The following KYAT1 variants were observed in gnomAD, a reference collection of about 807,000 sequenced individuals.
KYAT1 encodes kynurenine--oxoglutarate transaminase 1.
In KYAT1, 47 loss-of-function variants were observed where a neutral mutation model predicts 52.4. The ratio of observed to expected loss-of-function variants is 0.90; its 90% CI spans 0.71 to 1.14. The LOEUF is 1.14. KYAT1 is among the 50% of genes most tolerant of loss of function. KYAT1 has a pLI of 0.00. For missense variants in KYAT1, 480 were observed against 557.9 expected (o/e 0.86, Z 1.41); for synonymous variants, 212 against 209.6 (o/e 1.01, Z -0.10).
intron 1 of KYAT1, among the ~76,000 whole-genome samples, chr9:128,857,873 T>C (rs1834882019): frequency 6.6e-6 from 1 of 151,822 alleles, no homozygotes; most frequent in Non-Finnish European, 1.5e-5. Context: ...ACTAAATGTA[T>C]GAACTAAAAC....
In KYAT1 at chr9:128,833,371, G is replaced by T; in HGVS notation, c.*213C>A. On this transcript the variant is annotated 3_prime_UTR_variant, in exon 13 of 13. Transcript: ENST00000302586. ...TATGGAGGGGCAGGGAGAGGCCCAG[G>T]TCAGGCCACCCTCACCTTTCAGACA... The T allele has an allele frequency of 3.2e-6, 2 of 620,860 alleles. No homozygotes were observed. The highest frequency in any genetic ancestry group is 5.7e-6 in the Non-Finnish European group (2 of 350,650). The allele number at this position is 620,860 out of a possible 1,614,324, so 38.5% of individuals were successfully genotyped here.
chr9:128,865,161 G>T (rs1794634934), intron 1 of KYAT1, among the ~76,000 whole-genome samples: 1 of 145,118 alleles, frequency 6.9e-6, no homozygotes, highest in Non-Finnish European at 1.5e-5. Context: ...GGAGGTTGGG[G>T]CTGAAGTGAG....
intron 1 of KYAT1, among the ~76,000 whole-genome samples, chr9:128,880,598 C>T (rs1838689953): frequency 6.6e-6 from 1 of 152,044 alleles, no homozygotes; most frequent in Non-Finnish European, 1.5e-5. Flanking sequence ...CTCGCCACCA[C>T]ACCCGGCTAA....
At chr9:128,844,911 A>T (rs1456835767) in intron 2 of KYAT1, among the ~76,000 whole-genome samples, 1 of 151,892 alleles carries the variant, frequency 6.6e-6, no homozygotes, top group East Asian at 1.9e-4. Context: ...AACAATATCA[A>T]CCTCTGCAAA....
intron 1 of KYAT1, among the ~76,000 whole-genome samples, chr9:128,879,823 A>C (rs1296791811): frequency 6.6e-6 from 1 of 152,174 alleles, no homozygotes; most frequent in Non-Finnish European, 1.5e-5. Flanking sequence ...CAAAGTACTC[A>C]GCACGGGGGC....
intron 1 of KYAT1, among the ~76,000 whole-genome samples, chr9:128,874,361 G>A (rs1837659074): frequency 1.3e-5 from 2 of 151,622 alleles, no homozygotes; most frequent in Non-Finnish European, 2.9e-5. Flanking sequence ...GCCAAGGCTG[G>A]AGTGCAGTGG....
At chr9:128,873,908 T>C (rs1049516696) in intron 1 of KYAT1, among the ~76,000 whole-genome samples, 3 of 146,586 alleles carry the variant, frequency 2.0e-5, no homozygotes, top group African/African-American at 7.6e-5. Context: ...ATTGCACCAC[T>C]GCACTCCAGC....
chr9:128,853,364 G>C (rs1834191918), intron 1 of KYAT1, among the ~76,000 whole-genome samples: 2 of 152,180 alleles, frequency 1.3e-5, no homozygotes, highest in African/African-American at 2.4e-5. Context: ...ATGGAAAAGT[G>C]GCTTAAACTG....
At chr9:128,841,434 C>T (rs939509089) in intron 3 of KYAT1, among the ~76,000 whole-genome samples, 12 of 151,146 alleles carry the variant, frequency 7.9e-5, no homozygotes, top group South Asian at 6.5e-4. Context: ...ACCCAGGAGG[C>T]GGAGGCGGAG....
intron 1 of KYAT1, among the ~76,000 whole-genome samples, chr9:128,850,848 G>A (rs1227342298): frequency 6.6e-6 from 1 of 152,208 alleles, no homozygotes; most frequent in Admixed American, 6.5e-5. Flanking sequence ...AGACACATTG[G>A]CAGCAATGCT....
chr9:128,833,355 G>T lies in KYAT1; in HGVS notation c.*229C>A. The stretch of plus-strand genomic sequence containing the variant: ...ACCCTACAAACCCACCTATGGAGGG[G>T]CAGGGAGAGGCCCAGGTCAGGCCAC... On this transcript the variant is annotated 3_prime_UTR_variant, in exon 13 of 13. Coordinates refer to ENST00000302586, the MANE Select transcript of KYAT1 (RefSeq NM_004059.5). 1 of 607,186 alleles carries T rather than the reference G, an allele frequency of 1.6e-6. No individual in the cohort carries two copies. The highest frequency in any genetic ancestry group is 2.9e-6 in the Non-Finnish European group (1 of 342,520). 37.6% of individuals were successfully genotyped at this position (607,186 alleles called of 1,614,324 possible). A position where few individuals can be genotyped will look rare whatever the true frequency, so the allele number is the denominator to read the frequency against.
chr9:128,835,757 G>A (rs370304994), intron 9 of KYAT1, 22 bp downstream of exon 9: 17 of 1,607,894 alleles, frequency 1.1e-5, no homozygotes, highest in East Asian at 9.0e-5. Flanking sequence ...CCACTCCCCC[G>A]TGACGTCCTG....
chr9:128,862,405 T>A (rs550708285), intron 1 of KYAT1, among the ~76,000 whole-genome samples: 1 of 152,360 alleles, frequency 6.6e-6, no homozygotes, highest in Admixed American at 6.5e-5. Context: ...GCAAGTGCTA[T>A]CCTCACCCTC....
At chr9:128,851,564 G>A (rs1833962741) in intron 1 of KYAT1, among the ~76,000 whole-genome samples, 1 of 152,122 alleles carries the variant, frequency 6.6e-6, no homozygotes, top group Non-Finnish European at 1.5e-5. Flanking sequence ...AAATTGGCAA[G>A]GAATTAAAAC....
intron 1 of KYAT1, among the ~76,000 whole-genome samples, chr9:128,875,769 T>G (rs796490737): frequency 1.1e-4 from 17 of 152,258 alleles, no homozygotes; most frequent in African/African-American, 4.1e-4. Flanking sequence ...GCATCTAAGA[T>G]CTGAGGCCTC....
intron 1 of KYAT1, among the ~76,000 whole-genome samples, chr9:128,866,184 A>T (rs1481369487): frequency 6.6e-6 from 1 of 152,230 alleles, no homozygotes; most frequent in African/African-American, 2.4e-5. Context: ...GAGACAAACA[A>T]GTAACTGGGC....
At chr9:128,875,689 C>T (rs564299950) in intron 1 of KYAT1, among the ~76,000 whole-genome samples, 73 of 152,192 alleles carry the variant, frequency 4.8e-4, no homozygotes, top group African/African-American at 1.7e-3. Context: ...CTGGCAGCAC[C>T]GAGGAGGCCC....
chr9:128,861,922 T>C (rs1835513183), intron 1 of KYAT1, among the ~76,000 whole-genome samples: 1 of 152,218 alleles, frequency 6.6e-6, no homozygotes, highest in South Asian at 2.1e-4. Context: ...AGGTTAGCCA[T>C]TTCCTGTCCT....
rs747756143 is a variant in KYAT1, at chr9:128,833,813, A to G, written c.1136T>C (p.Ile379Thr). The G allele has an allele frequency of 1.9e-6, 3 of 1,614,004 alleles. No homozygotes were observed. Among genetic ancestry groups the G allele is most frequent in the African/African-American group, 2.7e-5 (2 of 74,938 alleles). ...CACACTATAGAAGATGGAGACAGGG[A>G]TGGCCACCAAGCCCTGGGGAGGAGG... ...WMIKNKGLVA[I>T]PVSIFYSVPH... The change falls in exon 12 of 13, where the codon ATC becomes ACC. Residue 379 changes from isoleucine to threonine, a missense_variant. Transcript: ENST00000302586.
Sources: allele counts gnomAD v4.1 joint callset (sites outside exome capture counted in the v4.1 genomes callset), GRCh38; gene constraint gnomAD v4.1.1; transcripts MANE v1.5; gene names NCBI Gene and HGNC (gene_info 2026-07-23, HGNC 2026-07-21).